Variants in CENPU observed in about 807,000 individuals in gnomAD.
The protein encoded by CENPU is centromere protein U.
A neutral mutation model predicts 56.7 loss-of-function variants in CENPU; 46 were observed. The observed-to-expected ratio is 0.81, with a 90% CI of 0.64 to 1.04. CENPU has a LOEUF of 1.04. Among genes scored for constraint, CENPU ranks in the 50% least tolerant of loss-of-function variants. CENPU has a pLI of 0.00. For synonymous variants in CENPU, 166 were observed against 163.0 expected (o/e 1.02, Z -0.14); for missense variants, 510 against 490.1 (o/e 1.04, Z -0.38).
At chr4:184,730,339 T>C (rs1761594535) in intron 2 of CENPU, among the ~76,000 whole-genome samples, 1 of 151,902 alleles carries the variant, frequency 6.6e-6, no homozygotes, top group East Asian at 1.9e-4. Flanking sequence ...AGCTATCGTC[T>C]GCAGGCTGGG....
intron 6 of CENPU, among the ~76,000 whole-genome samples, chr4:184,715,997 A>G (rs1042090393): frequency 6.6e-6 from 1 of 151,428 alleles, no homozygotes; most frequent in Non-Finnish European, 1.5e-5. Flanking sequence ...CAATGGCGCA[A>G]TCTCAGCTCA....
At chr4:184,732,848 A>C (rs1389600069) in intron 1 of CENPU, among the ~76,000 whole-genome samples, 1 of 152,126 alleles carries the variant, frequency 6.6e-6, no homozygotes, top group East Asian at 1.9e-4. Flanking sequence ...CTAAAAATAC[A>C]AAAATTAGCT....
chr4:184,726,963 G>T (rs1387943463), intron 3 of CENPU, among the ~76,000 whole-genome samples: 1 of 90,554 alleles, frequency 1.1e-5, no homozygotes, highest in East Asian at 2.9e-4. Flanking sequence ...GGTGGTGGTG[G>T]TCCTGGGGGG....
Position 184,732,839 on chromosome 4 carries a change from T to C in CENPU, c.47+1177A>G, listed in dbSNP as rs886976670. Among the ~76,000 whole-genome samples, 9 of 152,030 alleles carry C rather than the reference T, an allele frequency of 5.9e-5. 1 individual carries two copies. The East Asian group carries it at 1.4e-3, about 23-fold the overall frequency. On this transcript the variant is annotated intron_variant, in intron 1 of 12. Transcript: ENST00000281453. The stretch of plus-strand genomic sequence containing the variant: ...CAACATGGTGAAACCCCGTCTTTAC[T>C]AAAAATACAAAAATTAGCTGGACGT...
intron 4 of CENPU, among the ~76,000 whole-genome samples, chr4:184,718,043 T>C (rs1761150908): frequency 7.9e-5 from 12 of 152,200 alleles, no homozygotes; most frequent in Admixed American, 7.9e-4. Flanking sequence ...ACTGACGGGC[T>C]GCAGGGCACC....
At chr4:184,725,102 G>C in intron 3 of CENPU, 40 bp from the exon 4 acceptor site, 10 of 1,290,260 alleles carry the variant, frequency 7.8e-6, no homozygotes, top group Non-Finnish European at 1.1e-5. Flanking sequence ...TTAAAAGTCT[G>C]GCTATTTGGG....
At chr4:184,701,765 G>GT (rs1213725089) in intron 10 of CENPU, among the ~76,000 whole-genome samples, 1 of 152,142 alleles carries the variant, frequency 6.6e-6, no homozygotes, top group Non-Finnish European at 1.5e-5. Flanking sequence ...ATTTATCCAT[G>GT]TAAGTGGTCA....
At position 184,694,445 on chromosome 4, in the gene CENPU, G is replaced by C. The variant is rs186900268; in HGVS notation, c.*843C>G. ...TCACTTAATACCTTACTTCAACATA[G>C]AGTATAAGGTTAAATCACATATCCT... is the stretch of plus-strand genomic sequence containing the variant. On this transcript the variant is annotated 3_prime_UTR_variant, in exon 13 of 13. Transcript: ENST00000281453. 8 of 1,510,558 alleles carry C rather than the reference G, an allele frequency of 5.3e-6. No individual in the cohort carries two copies. The highest frequency in any genetic ancestry group is 4.2e-5 in the Admixed American group (2 of 47,468). The allele number at this position is 1,510,558 out of a possible 1,614,324, so 93.6% of individuals were successfully genotyped here.
chr4:184,722,980 G>C (rs1441678634), intron 4 of CENPU, among the ~76,000 whole-genome samples: 1 of 152,138 alleles, frequency 6.6e-6, no homozygotes, highest in Non-Finnish European at 1.5e-5. Context: ...CTATAAAAAG[G>C]ACAAACACGT....
At chr4:184,727,028 A>G (rs1761479361) in intron 3 of CENPU, among the ~76,000 whole-genome samples, 1 of 150,228 alleles carries the variant, frequency 6.7e-6, no homozygotes, top group Non-Finnish European at 1.5e-5. Flanking sequence ...GGCAGGGAGA[A>G]TTGCTTGAAC....
intron 1 of CENPU, chr4:184,733,334 C>T (rs1761721955): frequency 2.0e-6 from 2 of 986,620 alleles, no homozygotes; most frequent in Non-Finnish European, 2.4e-6. Flanking sequence ...CCCGGGGGAA[C>T]TCCTGTTCTC....
At chr4:184,700,766 C>T in intron 11 of CENPU, 54 bp downstream of exon 11, 1 of 1,445,038 alleles carries the variant, frequency 6.9e-7, no homozygotes, top group Non-Finnish European at 9.8e-7. Flanking sequence ...AAATGACACA[C>T]CATCATTACA....
chr4:184,712,663 A>C (rs1760963210), intron 7 of CENPU, among the ~76,000 whole-genome samples: 1 of 152,250 alleles, frequency 6.6e-6, no homozygotes. Flanking sequence ...TACTTGCTTT[A>C]CTACCTATCT....
At chr4:184,710,265 T>C (rs1050076732) in intron 7 of CENPU, 85 bp from the exon 8 acceptor site, 14 of 759,836 alleles carry the variant, frequency 1.8e-5, no homozygotes, top group Admixed American at 2.4e-5. Flanking sequence ...ACAAAAATAG[T>C]CTCACCAAAT....
rs752245463 is a variant in CENPU at position 184,730,967 on chromosome 4, C to T, written c.49G>A (p.Ala17Thr). ...RRPRPHRSEG[A>T]RRSKNTLERT... ...TCTAAAGTGTTCTTTGAACGTCTTG[C>T]GCTATTAAACAGCAAAAAAACACAA... The change falls in exon 2 of 13, where the codon GCA (alanine) becomes ACA (threonine). Residue 17 changes from alanine (A) to threonine (T), a missense_variant and splice_region_variant. Physicochemically the swap from Ala to Thr is moderately conservative, Grantham distance 58. Coordinates refer to ENST00000281453, the MANE Select transcript of CENPU (RefSeq NM_024629.4). The T allele has an allele frequency of 2.9e-5, 45 of 1,575,428 alleles. No individual in the cohort carries two copies. In the East Asian group the frequency reaches 8.0e-4, roughly 28 times the overall value.
At chr4:184,729,289 T>G (rs904214814) in intron 2 of CENPU, among the ~76,000 whole-genome samples, 3 of 152,200 alleles carry the variant, frequency 2.0e-5, no homozygotes, top group Admixed American at 1.3e-4. Flanking sequence ...AAGCTAACAC[T>G]TTTTGGGGAC....
intron 1 of CENPU, among the ~76,000 whole-genome samples, chr4:184,732,683 G>C (rs1028964056): frequency 6.6e-6 from 1 of 152,088 alleles, no homozygotes; most frequent in Admixed American, 6.5e-5. Flanking sequence ...GCTTCTGAGA[G>C]ACAGAAACCT....
At chr4:184,702,552 TA>T in intron 8 of CENPU, 111 bp from the exon 9 acceptor site, 1 of 643,240 alleles carries the variant, frequency 1.6e-6, no homozygotes, top group Non-Finnish European at 2.5e-6. Flanking sequence ...TACCTTTTTT[TA>T]TTTTAAAAAT....
chr4:184,712,844 A>C lies in CENPU; in HGVS notation c.688+100T>G, dbSNP rs1760968926. 3 of 792,106 alleles carry C rather than the reference A, an allele frequency of 3.8e-6. No individual in the cohort carries two copies. The Admixed American group carries it at 7.9e-5, about 21-fold the overall frequency. The allele number at this position is 792,106 out of a possible 1,614,324, so 49.1% of individuals were successfully genotyped here. A position where few individuals can be genotyped will look rare whatever the true frequency, so the allele number is the denominator to read the frequency against. On this transcript the variant is annotated intron_variant, in intron 7 of 12. Coordinates refer to ENST00000281453, the MANE Select transcript of CENPU (RefSeq NM_024629.4). ...CCTAATTTTTAAAAGTGGCAATTTT[A>C]TGTACTTACAATTTACTACTATAAC...
Sources: gnomAD v4.1 joint callset for allele counts (sites outside exome capture counted in the v4.1 genomes callset) on GRCh38, gnomAD v4.1.1 for gene constraint, MANE v1.5 for transcripts, NCBI Gene and HGNC (gene_info 2026-07-23, HGNC 2026-07-21) for gene names.